ARMC9: variants seen among roughly 807,000 people sequenced by gnomAD.
The protein encoded by ARMC9 is lisH domain-containing protein ARMC9.
A neutral mutation model predicts 107.0 loss-of-function variants in ARMC9; 94 were observed. The ratio of observed to expected loss-of-function variants is 0.88; its 90% confidence interval spans 0.74 to 1.04. The LOEUF (loss-of-function observed/expected upper bound fraction) is 1.04, where lower values mean the gene tolerates loss of function less well. Among genes scored for constraint, ARMC9 ranks in the 50% least tolerant of loss-of-function variants. ARMC9 has a pLI of 0.00. For synonymous variants in ARMC9, 380 were observed against 396.9 expected (o/e 0.96, Z 0.51); for missense variants, 942 against 1,030.1 (o/e 0.91, Z 1.17).
chr2:231,260,412 A>C (rs543244274), intron 11 of ARMC9, among the ~76,000 whole-genome samples: 1 of 152,334 alleles, frequency 6.6e-6, no homozygotes, highest in East Asian at 1.9e-4. Flanking sequence ...TTAACTGAAC[A>C]GTCCATTCTA....
chr2:231,281,918 A>G, intron 16 of ARMC9, 141 bp from the exon 17 acceptor site: 6 of 731,444 alleles, frequency 8.2e-6, no homozygotes, highest in Non-Finnish European at 1.4e-5. Flanking sequence ...GGAAACATAC[A>G]TCCTGGAGCA....
chr2:231,214,577 C>A (rs2125320522), intron 3 of ARMC9, among the ~76,000 whole-genome samples: 1 of 152,304 alleles, frequency 6.6e-6, no homozygotes, highest in African/African-American at 2.4e-5. Flanking sequence ...GTGCCTGATT[C>A]TTTCCATTTC....
At chr2:231,262,122 C>T (rs529186182) in intron 11 of ARMC9, among the ~76,000 whole-genome samples, 184 bp from the exon 12 acceptor site, 24 of 152,124 alleles carry the variant, frequency 1.6e-4, no homozygotes, top group African/African-American at 5.8e-4. Flanking sequence ...GTGCCCGGCC[C>T]GCATCATAGG....
At chr2:231,262,115 C>G (rs1236874182) in intron 11 of ARMC9, among the ~76,000 whole-genome samples, 191 bp from the exon 12 acceptor site, 1 of 152,176 alleles carries the variant, frequency 6.6e-6, no homozygotes. Context: ...AGCCACCGTG[C>G]CCGGCCCGCA....
At chr2:231,343,610 G>A (rs1439304008) in intron 20 of ARMC9, among the ~76,000 whole-genome samples, 2 of 152,140 alleles carry the variant, frequency 1.3e-5, no homozygotes, top group Admixed American at 6.6e-5. Context: ...TAGTTTGACA[G>A]TGATTTCCTT....
intron 19 of ARMC9, among the ~76,000 whole-genome samples, chr2:231,325,513 G>C (rs1403770417): frequency 6.6e-6 from 1 of 152,162 alleles, no homozygotes; most frequent in African/African-American, 2.4e-5. Context: ...TGGTGAAACT[G>C]TGATTCCAAT....
At chr2:231,225,322 C>A (rs889956332) in intron 6 of ARMC9, among the ~76,000 whole-genome samples, 6 of 152,146 alleles carry the variant, frequency 3.9e-5, no homozygotes, top group African/African-American at 1.4e-4. Flanking sequence ...AGGAATTGGT[C>A]CAGGCTGTAC....
intron 7 of ARMC9, among the ~76,000 whole-genome samples, chr2:231,227,103 A>G (rs1264916130): frequency 6.6e-6 from 1 of 152,200 alleles, no homozygotes; most frequent in African/African-American, 2.4e-5. Context: ...GTAGGGCAGC[A>G]TGGGTAAGGA....
At chr2:231,258,760 G>C (rs2038072088) in intron 10 of ARMC9, among the ~76,000 whole-genome samples, 1 of 152,110 alleles carries the variant, frequency 6.6e-6, no homozygotes, top group Admixed American at 6.5e-5. Context: ...CTTGTTTTAG[G>C]AAAAATGTTA....
At chr2:231,371,357 G>A (rs75457429) in intron 24 of ARMC9, among the ~76,000 whole-genome samples, 156 bp from the exon 25 acceptor site, 6,836 of 152,312 alleles carry the variant, frequency 0.045, 186 homozygotes, top group Non-Finnish European at 0.059. Flanking sequence ...GGAAAGAGCC[G>A]GCCCGCCAGT....
chr2:231,249,439 A>T (rs533953775), intron 9 of ARMC9, among the ~76,000 whole-genome samples: 1 of 152,082 alleles, frequency 6.6e-6, no homozygotes, highest in South Asian at 2.1e-4. Context: ...TTTGTCTTAG[A>T]AAGTCCCCAT....
chr2:231,270,743 C>G (rs1160110531), intron 12 of ARMC9: 1 of 643,932 alleles, frequency 1.6e-6, no homozygotes, highest in African/African-American at 1.8e-5. Flanking sequence ...AGTCACTGTT[C>G]TGAGGGCTTC....
intron 20 of ARMC9, among the ~76,000 whole-genome samples, chr2:231,337,031 G>T (rs1266900165): frequency 6.6e-6 from 1 of 152,168 alleles, no homozygotes; most frequent in Non-Finnish European, 1.5e-5. Context: ...CTTGCAGCGG[G>T]CCCTGAGAGC....
intron 5 of ARMC9, among the ~76,000 whole-genome samples, chr2:231,217,424 A>G (rs1341708664): frequency 6.6e-6 from 1 of 152,060 alleles, no homozygotes; most frequent in Non-Finnish European, 1.5e-5. Flanking sequence ...TCTCTACTAA[A>G]AGTACAAAAA....
chr2:231,218,854 C>A (rs1369987920), intron 5 of ARMC9, among the ~76,000 whole-genome samples: 2 of 151,838 alleles, frequency 1.3e-5, no homozygotes, highest in Admixed American at 6.6e-5. Flanking sequence ...CGGGTTCAAG[C>A]GATTCTCCTG....
chr2:231,256,400 C>T lies in ARMC9; in HGVS notation c.880-186C>T, dbSNP rs2037815698. ...TCTGCTCCTTTTTTTTTGTCCGCCA[C>T]ACGGAATTGAGATGCTCCTTTAAAT... On this transcript the variant is annotated intron_variant, in intron 9 of 24. Coordinates refer to ENST00000611582, the MANE Select transcript of ARMC9 (RefSeq NM_001352754.2). The T allele has an allele frequency of 4.1e-6, 5 of 1,205,828 alleles. No homozygotes were observed. In the Admixed American group the frequency reaches 9.9e-5, roughly 24 times the overall value. 74.7% of individuals were successfully genotyped at this position (1,205,828 alleles called of 1,614,324 possible).
At chr2:231,303,302 G>A (rs770453066) in intron 19 of ARMC9, among the ~76,000 whole-genome samples, 1 of 152,172 alleles carries the variant, frequency 6.6e-6, no homozygotes, top group African/African-American at 2.4e-5. Context: ...TGTCATCTGT[G>A]AATAGAGATC....
At position 231,369,996 on chromosome 2, in the gene ARMC9, A is replaced by G. The variant is rs1438666087; in HGVS notation, c.2305A>G (p.Thr769Ala). The part of the protein sequence containing the change: ...AFTCKPRAPC[T>A]PEMLDWNPPK... ...CACCTGCAAGCCCCGGGCCCCCTGC[A>G]CTCCAGAGATGCTGGACTGGAACCC... is the stretch of plus-strand genomic sequence containing the variant. The change falls in exon 24 of 25, where the codon ACT becomes GCT. Residue 769 changes from threonine to alanine, a missense_variant. Physicochemically the swap from Thr to Ala is moderately conservative, Grantham distance 58. Coordinates refer to ENST00000611582, the MANE Select transcript of ARMC9 (RefSeq NM_001352754.2). The G allele has an allele frequency of 1.3e-6, 2 of 1,532,644 alleles. No homozygotes were observed. The highest frequency in any genetic ancestry group is 4.9e-5 in the East Asian group (2 of 40,678). 94.9% of individuals were successfully genotyped at this position (1,532,644 alleles called of 1,614,324 possible). A position where few individuals can be genotyped will look rare whatever the true frequency, so the allele number is the denominator to read the frequency against.
intron 17 of ARMC9, among the ~76,000 whole-genome samples, chr2:231,285,221 G>A (rs146506250): frequency 1.4e-4 from 21 of 151,832 alleles, no homozygotes; most frequent in African/African-American, 4.6e-4. Flanking sequence ...AAATTATAGC[G>A]GTCTTGGTCA....
Sources: allele counts gnomAD v4.1 joint callset (sites outside exome capture counted in the v4.1 genomes callset), GRCh38; gene constraint gnomAD v4.1.1; transcripts MANE v1.5; gene names NCBI Gene and HGNC (gene_info 2026-07-23, HGNC 2026-07-21).